Variants in RBMS3 observed in about 807,000 individuals in gnomAD.
The protein encoded by RBMS3 is RNA-binding motif, single-stranded-interacting protein 3.
A neutral mutation model predicts 66.8 loss-of-function variants in RBMS3; 27 were observed. The observed-to-expected ratio is 0.40, with a 90% CI of 0.30 to 0.56. The LOEUF is 0.56. RBMS3 is among the 20% of genes least tolerant of loss of function. The pLI, the probability that RBMS3 is intolerant of heterozygous loss-of-function variation, is 0.40. For missense variants in RBMS3, 513 were observed against 549.5 expected (o/e 0.93, Z 0.66); for synonymous variants, 188 against 183.0 (o/e 1.03, Z -0.22).
chr3:29,634,497 C>T lies in RBMS3; in HGVS notation c.399+47292C>T, dbSNP rs182340149. Among the ~76,000 whole-genome samples the T allele has an allele frequency of 2.3e-3, 348 of 151,928 alleles. 2 individuals are homozygous for T. Among genetic ancestry groups the T allele is most frequent in the African/African-American group, 7.9e-3 (330 of 41,510 alleles). ...TGTTTTTCTGGAAACAGCAGCCCCT[C>T]ATCACTAACAAATGGCAAGTAGGTA... is the stretch of plus-strand genomic sequence containing the variant. On this transcript the variant is annotated intron_variant, in intron 4 of 14. Coordinates refer to ENST00000383767, the MANE Select transcript of RBMS3 (RefSeq NM_001003793.3).
At chr3:29,960,285 G>C (rs1284718275) in intron 12 of RBMS3, among the ~76,000 whole-genome samples, 1 of 152,204 alleles carries the variant, frequency 6.6e-6, no homozygotes, top group African/African-American at 2.4e-5. Flanking sequence ...GCTCCAAAAT[G>C]ATCTCCTTTG....
intron 6 of RBMS3, among the ~76,000 whole-genome samples, chr3:29,842,443 C>G (rs2058683806): frequency 6.6e-6 from 1 of 152,114 alleles, no homozygotes; most frequent in Non-Finnish European, 1.5e-5. Context: ...CTACCGCACA[C>G]AAGACCTTAT....
intron 1 of RBMS3, among the ~76,000 whole-genome samples, chr3:29,430,889 T>G (rs1366506372): frequency 1.3e-5 from 2 of 152,108 alleles, no homozygotes; most frequent in East Asian, 3.9e-4. Context: ...CCCTGGGAAT[T>G]TTAAGAGAGT....
At chr3:29,834,904 T>C (rs1466165296) in intron 6 of RBMS3, among the ~76,000 whole-genome samples, 1 of 151,980 alleles carries the variant, frequency 6.6e-6, no homozygotes, top group Non-Finnish European at 1.5e-5. Context: ...ACTTCAGCTT[T>C]AAGGAAATTC....
chr3:29,812,378 T>C (rs997192723), intron 6 of RBMS3, among the ~76,000 whole-genome samples: 2 of 152,182 alleles, frequency 1.3e-5, no homozygotes, highest in Non-Finnish European at 2.9e-5. Flanking sequence ...TGGGAAAGTT[T>C]TAAAGAGACC....
chr3:29,319,958 G>A (rs2034910560), intron 1 of RBMS3, among the ~76,000 whole-genome samples: 1 of 151,924 alleles, frequency 6.6e-6, no homozygotes, highest in African/African-American at 2.4e-5. Context: ...AATCTGTTTT[G>A]AGATTCTGGA....
intron 11 of RBMS3, among the ~76,000 whole-genome samples, chr3:29,942,434 G>A (rs372628556): frequency 2.6e-5 from 4 of 151,810 alleles, no homozygotes; most frequent in African/African-American, 9.6e-5. Context: ...GAAGCAGGAA[G>A]ATCAACTAAG....
chr3:29,953,737 G>C (rs907592024), intron 12 of RBMS3, among the ~76,000 whole-genome samples: 1 of 151,742 alleles, frequency 6.6e-6, no homozygotes, highest in South Asian at 2.1e-4. Context: ...CTGCAAATTC[G>C]TTCTTTATAA....
intron 7 of RBMS3, among the ~76,000 whole-genome samples, chr3:29,870,378 G>C (rs2059461327): frequency 6.6e-6 from 1 of 152,094 alleles, no homozygotes; most frequent in African/African-American, 2.4e-5. Context: ...GCTGATTAGA[G>C]ATATCTTTGG....
intron 1 of RBMS3, among the ~76,000 whole-genome samples, chr3:29,423,163 G>A (rs1056539274): frequency 6.6e-6 from 1 of 152,086 alleles, no homozygotes; most frequent in African/African-American, 2.4e-5. Flanking sequence ...GGGATGGCAG[G>A]TAAAGTAGAT....
intron 6 of RBMS3, among the ~76,000 whole-genome samples, chr3:29,836,448 CA>C (rs2149494877): frequency 6.6e-6 from 1 of 151,950 alleles, no homozygotes; most frequent in East Asian, 1.9e-4. Flanking sequence ...GGGTGCAAGC[CA>C]AACACAGAAG....
chr3:29,622,948 C>G (rs1365009640), intron 4 of RBMS3, among the ~76,000 whole-genome samples: 1 of 152,024 alleles, frequency 6.6e-6, no homozygotes, highest in Admixed American at 6.6e-5. Context: ...AACCCCGTCT[C>G]TACTAAAAAA....
intron 3 of RBMS3, among the ~76,000 whole-genome samples, chr3:29,552,059 T>C (rs2046198279): frequency 6.6e-6 from 1 of 152,074 alleles, no homozygotes; most frequent in Admixed American, 6.5e-5. Flanking sequence ...TAAATGCAAA[T>C]TTGAATCAGG....
intron 4 of RBMS3, among the ~76,000 whole-genome samples, chr3:29,626,856 C>G (rs1470866779): frequency 6.6e-6 from 1 of 152,146 alleles, no homozygotes; most frequent in Non-Finnish European, 1.5e-5. Flanking sequence ...CTTAATCTTT[C>G]TGTGCCTCAG....
chr3:29,728,046 G>A (rs1039998134), intron 4 of RBMS3, among the ~76,000 whole-genome samples: 1 of 152,156 alleles, frequency 6.6e-6, no homozygotes, highest in South Asian at 2.1e-4. Context: ...ATGAGTTCAT[G>A]TCCTTTGCGG....
intron 1 of RBMS3, among the ~76,000 whole-genome samples, chr3:29,413,413 CATACATACAT>C (rs1331146039): frequency 0.12 from 18,097 of 151,052 alleles, 1,240 homozygotes; most frequent in South Asian, 0.18. Context: ...TACATACATA[CATACATACAT>C]ACACAGAGTT....
Position 29,588,058 on chromosome 3 carries a change from A to G in RBMS3, c.399+853A>G, listed in dbSNP as rs1323972285. On this transcript the variant is annotated intron_variant, in intron 4 of 14. Coordinates refer to ENST00000383767, the MANE Select transcript of RBMS3 (RefSeq NM_001003793.3). ...TCATATAAAATGTAAAATTTGTAGAAACCTCATGAAGGGTACATAGGCTCT... is the reference window on the plus strand; with the variant it reads ...TCATATAAAATGTAAAATTTGTAGAGACCTCATGAAGGGTACATAGGCTCT... 2.0e-5 allele frequency among the ~76,000 whole-genome samples: 3 copies of G among 152,014 alleles called. No individual in the cohort carries two copies. The East Asian group carries it at 5.8e-4, about 29-fold the overall frequency.
At chr3:29,534,507 A>G (rs1205017665) in intron 3 of RBMS3, among the ~76,000 whole-genome samples, 1 of 152,232 alleles carries the variant, frequency 6.6e-6, no homozygotes, top group Non-Finnish European at 1.5e-5. Flanking sequence ...TGTCTTTCTT[A>G]CAGGCATATC....
intron 3 of RBMS3, among the ~76,000 whole-genome samples, chr3:29,558,953 A>C (rs1447064310): frequency 6.6e-6 from 1 of 152,194 alleles, no homozygotes; most frequent in Non-Finnish European, 1.5e-5. Flanking sequence ...CATTTTAGTC[A>C]CTGAAATAAA....
Sources: allele counts gnomAD v4.1 joint callset (sites outside exome capture counted in the v4.1 genomes callset), GRCh38; gene constraint gnomAD v4.1.1; transcripts MANE v1.5; gene names NCBI Gene and HGNC (gene_info 2026-07-23, HGNC 2026-07-21).